The following IWS1 variants were observed in gnomAD, a reference collection of about 807,000 sequenced individuals.
The protein encoded by IWS1 is protein IWS1 homolog.
A neutral mutation model predicts 86.7 loss-of-function variants in IWS1; 27 were observed. The observed-to-expected ratio is 0.31, with a 90% CI of 0.23 to 0.43. The LOEUF is 0.43. Ranked by LOEUF, IWS1 falls within the 20% of genes least tolerant of loss-of-function variation. The probability of loss-of-function intolerance (pLI) is 1.00; values close to 1 mark genes in which losing one functional copy is unlikely to be tolerated. For missense variants in IWS1, 827 were observed against 1,000.8 expected (o/e 0.83, Z 2.34); for synonymous variants, 313 against 335.1 (o/e 0.93, Z 0.72).
At chr2:127,490,078 G>A (rs976046524) in intron 10 of IWS1, 135 bp from the exon 11 acceptor site, 2 of 636,452 alleles carry the variant, frequency 3.1e-6, no homozygotes, top group Non-Finnish European at 5.6e-6. Flanking sequence ...TTATTTCAGA[G>A]TAATTTATAG....
intron 13 of IWS1, among the ~76,000 whole-genome samples, 179 bp from the exon 14 acceptor site, chr2:127,481,354 T>C (rs1170550877): frequency 6.6e-6 from 1 of 152,128 alleles, no homozygotes; most frequent in South Asian, 2.1e-4. Flanking sequence ...GAAACGCATA[T>C]TAAACTCTCT....
chr2:127,520,590 A>C (rs541397523), intron 2 of IWS1, among the ~76,000 whole-genome samples: 13 of 152,368 alleles, frequency 8.5e-5, no homozygotes, highest in African/African-American at 3.1e-4. Context: ...AAGAACATTA[A>C]TACAGAACTC....
In IWS1 at chr2:127,526,264, C is replaced by T. The variant is rs895425254; in HGVS notation, c.-56G>A. 150 of 1,548,100 alleles carry T rather than the reference C, an allele frequency of 9.7e-5. No homozygotes were observed. The highest frequency in any genetic ancestry group is 1.2e-4 in the Non-Finnish European group (139 of 1,147,502). On this transcript the variant is annotated 5_prime_UTR_variant, in exon 1 of 14. Coordinates refer to ENST00000295321, the MANE Select transcript of IWS1 (RefSeq NM_017969.3). ...CGCCCCGCGCCGCCCCCGTCACCTC[C>T]TTCCAGGCGGTGTGACCCCGGATGG...
At chr2:127,500,419 C>T (rs1445669652) in intron 5 of IWS1, among the ~76,000 whole-genome samples, 2 of 152,006 alleles carry the variant, frequency 1.3e-5, no homozygotes, top group Non-Finnish European at 2.9e-5. Context: ...ATCTATAAAG[C>T]CATGTTATTA....
At chr2:127,525,165 T>C (rs1461781213) in intron 1 of IWS1, among the ~76,000 whole-genome samples, 2 of 151,674 alleles carry the variant, frequency 1.3e-5, no homozygotes, top group African/African-American at 2.4e-5. Context: ...CTCACTATGT[T>C]GCCCAGGCTG....
chr2:127,482,974 T>C (rs1348331157), intron 13 of IWS1: 2 of 151,006 alleles, frequency 1.3e-5, no homozygotes, highest in Admixed American at 6.6e-5. Context: ...ATTTTTACCA[T>C]GGTAAGTAAA....
At chr2:127,503,597 CATT>C in intron 3 of IWS1, 21 bp from the exon 4 acceptor site, 2 of 1,545,216 alleles carry the variant, frequency 1.3e-6, no homozygotes, top group Non-Finnish European at 1.8e-6. Flanking sequence ...AGAAAATCAT[CATT>C]AATTTTATTT....
At chr2:127,526,511 G>C (rs1692431605), upstream of IWS1, 1 of 1,486,580 alleles carries the variant, frequency 6.7e-7, no homozygotes, top group Non-Finnish European at 9.0e-7. Context: ...TCAAAGGAAT[G>C]CAGCGCGCAG....
chr2:127,503,373 A>G lies in IWS1; in HGVS notation c.1409+14T>C. The G allele has an allele frequency of 6.3e-7, 1 of 1,599,058 alleles. No homozygotes were observed. On this transcript the variant is annotated intron_variant, in intron 4 of 13. Coordinates refer to ENST00000295321, the MANE Select transcript of IWS1 (RefSeq NM_017969.3). ...TTAAGAACCCCTGAAAACTCATGTT[A>G]TACTGTCACTTACTCTTCTTCATTG...
intron 9 of IWS1, 108 bp from the exon 10 acceptor site, chr2:127,492,196 C>T (rs543516060): frequency 1.4e-6 from 1 of 690,362 alleles, no homozygotes; most frequent in Non-Finnish European, 2.6e-6. Context: ...TAAAAAATTC[C>T]ATTTTCAGGA....
rs112165534 is a variant in IWS1, at chr2:127,499,019, G to A, written c.1468-782C>T. Among the ~76,000 whole-genome samples the A allele has an allele frequency of 0.016, 2,402 of 152,072 alleles. 63 individuals are homozygous for A. Among genetic ancestry groups the A allele is most frequent in the African/African-American group, 0.054 (2,230 of 41,452 alleles). On this transcript the variant is annotated intron_variant, in intron 5 of 13. Transcript: ENST00000295321. The surrounding 1 kb of genome is among the most constrained non-coding windows in gnomAD (Gnocchi z 4.0). ...TAGATATAGCCCCCTACAAGTGACA[G>A]GAACTGTACAATCCCCACATTTGTA...
intron 5 of IWS1, chr2:127,502,540 A>G: frequency 4.0e-6 from 1 of 248,212 alleles, no homozygotes; most frequent in Admixed American, 5.5e-5. Flanking sequence ...GAAGTTCCCT[A>G]ATTATTGTGA....
chr2:127,498,282 A>T, intron 5 of IWS1, 45 bp from the exon 6 acceptor site: 1 of 1,570,494 alleles, frequency 6.4e-7, no homozygotes, highest in Non-Finnish European at 8.6e-7. Flanking sequence ...TTTCTTCTGT[A>T]TTAAGTGTTC....
At chr2:127,481,366 A>C (rs1424234121) in intron 13 of IWS1, among the ~76,000 whole-genome samples, 191 bp from the exon 14 acceptor site, 1 of 151,862 alleles carries the variant, frequency 6.6e-6, no homozygotes, top group African/African-American at 2.4e-5. Flanking sequence ...AAACTCTCTC[A>C]GTGAAGAATA....
At chr2:127,487,906 G>C (rs1690013723) in intron 12 of IWS1, 1 of 152,248 alleles carries the variant, frequency 6.6e-6, no homozygotes, top group African/African-American at 2.4e-5. Flanking sequence ...GGCTTGCCAA[G>C]AAAATTCCCT....
intron 2 of IWS1, among the ~76,000 whole-genome samples, chr2:127,512,272 A>G (rs554169222): frequency 6.6e-6 from 1 of 152,342 alleles, no homozygotes; most frequent in African/African-American, 2.4e-5. Context: ...ATACTGTCTA[A>G]AAGAATATAT....
intron 2 of IWS1, chr2:127,515,000 A>G (rs1691692575): frequency 6.6e-6 from 1 of 152,270 alleles, no homozygotes; most frequent in South Asian, 2.1e-4. Context: ...CTGCATCACA[A>G]GTAACATGTT....
At chr2:127,496,753 G>A in intron 6 of IWS1, among the ~76,000 whole-genome samples, 1 of 152,028 alleles carries the variant, frequency 6.6e-6, no homozygotes, top group East Asian at 1.9e-4. Flanking sequence ...TAAATGTTTT[G>A]TAGAGACAGG....
Position 127,523,686 on chromosome 2 carries a change from C to T in IWS1, c.140G>A (p.Arg47His). 2 of 1,609,382 alleles carry T rather than the reference C, an allele frequency of 1.2e-6. No individual in the cohort carries two copies. Among genetic ancestry groups the T allele is most frequent in the Non-Finnish European group, 8.5e-7 (1 of 1,176,724 alleles). ...TTGGTTAGCCAATACCTCTGAATGA[C>T]GTTCTACACTTCCAGTGTCTGATCC... ...HSGSDTGSVE[R>H]HSENETSDRE... Residue 47 changes from arginine (R) to histidine (H), a missense_variant, in exon 2 of 14, where the codon CGT becomes CAT. Arg to His is a conservative substitution (Grantham distance 29). Around this residue, in one of 2 missense-constraint regions of IWS1, gnomAD observed 548 missense variants for 560.2 expected, o/e 0.98. Coordinates refer to ENST00000295321, the MANE Select transcript of IWS1 (RefSeq NM_017969.3).
Sources: allele counts gnomAD v4.1 joint callset (sites outside exome capture counted in the v4.1 genomes callset), GRCh38; gene constraint gnomAD v4.1.1; regional missense constraint gnomAD v4.1.1; non-coding constraint Gnocchi (gnomAD v3.1); transcripts MANE v1.5; gene names NCBI Gene and HGNC (gene_info 2026-07-23, HGNC 2026-07-21).